Variants in RAD52 observed in about 807,000 individuals in gnomAD.
RAD52 encodes DNA repair protein RAD52 homolog.
RAD52 carries 47 observed loss-of-function variants against 55.5 expected under a neutral mutation model. The ratio of observed to expected loss-of-function variants is 0.85; its 90% CI spans 0.67 to 1.08. The LOEUF is 1.08. Ranked by LOEUF, RAD52 falls within the 50% of genes least tolerant of loss-of-function variation. The pLI is 0.00. For synonymous variants in RAD52, 184 were observed against 198.9 expected (o/e 0.92, Z 0.63); for missense variants, 468 against 522.8 (o/e 0.90, Z 1.02).
chr12:961,309 C>CAAAAA lies in RAD52; in HGVS notation c.-18-28238_-18-28234dup, dbSNP rs60547688. Among the ~76,000 whole-genome samples, 53 of 33,790 alleles carry CAAAAA rather than the reference C, an allele frequency of 1.6e-3. 1 individual carries two copies. Among genetic ancestry groups the CAAAAA allele is most frequent in the African/African-American group, 2.5e-3 (25 of 9,840 alleles). 22.2% of individuals were successfully genotyped at this position (33,790 alleles called of 152,430 possible). The stretch of plus-strand genomic sequence containing the variant: ...TGGGTGACAGAGTGAGACTCCATCT[C>CAAAAA]AAAAAAAAAAAAAAAAAAAAAAAGG... On this transcript the variant is annotated intron_variant, in intron 1 of 11. Transcript: ENST00000430095.
chr12:957,116 A>G (rs1958617003), intron 1 of RAD52, among the ~76,000 whole-genome samples: 1 of 152,174 alleles, frequency 6.6e-6, no homozygotes, highest in Non-Finnish European at 1.5e-5. Context: ...AGTTGTTTAA[A>G]AAAGCCAAAT....
chr12:969,651 C>T (rs1344889040), intron 1 of RAD52, among the ~76,000 whole-genome samples: 2 of 151,668 alleles, frequency 1.3e-5, no homozygotes, highest in Non-Finnish European at 2.9e-5. Flanking sequence ...ATTAGCCGGG[C>T]ATGCTGTCAT....
At chr12:953,758 A>C (rs539821040), upstream of RAD52, among the ~76,000 whole-genome samples, 1 of 152,230 alleles carries the variant, frequency 6.6e-6, no homozygotes, top group East Asian at 1.9e-4. Flanking sequence ...CCTGCCTGCC[A>C]CAGCATTTCC....
intron 1 of RAD52, among the ~76,000 whole-genome samples, chr12:944,608 T>TTAA (rs1555177712): frequency 6.4e-5 from 6 of 93,568 alleles, no homozygotes; most frequent in Admixed American, 3.2e-4. Flanking sequence ...AAAAACATGG[T>TTAA]AAAAAAAAAA....
intron 5 of RAD52, among the ~76,000 whole-genome samples, chr12:928,475 C>G (rs983020345): frequency 6.6e-6 from 1 of 151,848 alleles, no homozygotes; most frequent in African/African-American, 2.4e-5. Context: ...TGAGATTGAA[C>G]CATTGCCCTC....
At chr12:975,446 T>C (rs1958923411) in intron 1 of RAD52, 1 of 152,208 alleles carries the variant, frequency 6.6e-6, no homozygotes, top group Non-Finnish European at 1.5e-5. Flanking sequence ...CAAATTTGAA[T>C]TTAAAATGCT....
intron 7 of RAD52, 62 bp from the exon 8 acceptor site, chr12:916,882 T>C: frequency 6.4e-7 from 1 of 1,553,616 alleles, no homozygotes; most frequent in South Asian, 1.2e-5. Context: ...TGCTTCTCCC[T>C]GACTCACAGA....
At chr12:950,684 A>AT (rs1320437471), upstream of RAD52, among the ~76,000 whole-genome samples, 1 of 151,828 alleles carries the variant, frequency 6.6e-6, no homozygotes, top group Non-Finnish European at 1.5e-5. Context: ...AAGTGCTAGG[A>AT]TTACAGGTAT....
At chr12:915,714 T>G (rs1442856870) in intron 9 of RAD52, among the ~76,000 whole-genome samples, 1 of 136,434 alleles carries the variant, frequency 7.3e-6, no homozygotes, top group Non-Finnish European at 1.6e-5. Context: ...GGCTTGTTTT[T>G]TTTTTGTTTT....
intron 1 of RAD52, among the ~76,000 whole-genome samples, chr12:989,046 C>T (rs893591829): frequency 6.6e-6 from 1 of 152,228 alleles, no homozygotes; most frequent in Non-Finnish European, 1.5e-5. Flanking sequence ...CCCTTCAATA[C>T]TCAGTTAACC....
intron 1 of RAD52, among the ~76,000 whole-genome samples, chr12:955,316 T>C (rs1388161091): frequency 1.3e-5 from 2 of 152,140 alleles, no homozygotes; most frequent in African/African-American, 4.8e-5. Context: ...ATAATCCAAT[T>C]TGAATGAACC....
intron 9 of RAD52, among the ~76,000 whole-genome samples, chr12:915,129 G>A: frequency 6.6e-6 from 1 of 152,128 alleles, no homozygotes; most frequent in East Asian, 1.9e-4. Context: ...GCAAGACCCT[G>A]TCTGAAAACA....
chr12:930,185 C>A, intron 3 of RAD52, 41 bp from the exon 4 acceptor site: 1 of 1,399,528 alleles, frequency 7.1e-7, no homozygotes, highest in Non-Finnish European at 1.0e-6. Flanking sequence ...TGTGTTAATT[C>A]CTTACCACAC....
rs994075324 is a variant in RAD52, at chr12:914,227, G to A, written c.968-106C>T. On this transcript the variant is annotated intron_variant, in intron 10 of 11. Transcript: ENST00000358495. ...AAATTCCATGTCTTCAGTACCTTCTGAAAGTTTTTGGAATTTCTCTCCCCT... is the reference window on the plus strand; with the variant it reads ...AAATTCCATGTCTTCAGTACCTTCTAAAAGTTTTTGGAATTTCTCTCCCCT... 4.1e-5 allele frequency: 54 copies of A among 1,302,942 alleles called. No homozygotes were observed. The African/African-American group carries it at 7.3e-4, about 18-fold the overall frequency. 80.7% of individuals were successfully genotyped at this position (1,302,942 alleles called of 1,614,324 possible). A position where few individuals can be genotyped will look rare whatever the true frequency, so the allele number is the denominator to read the frequency against.
At chr12:957,385 C>A (rs1958621410) in intron 1 of RAD52, among the ~76,000 whole-genome samples, 1 of 150,554 alleles carries the variant, frequency 6.6e-6, no homozygotes, top group African/African-American at 2.5e-5. Flanking sequence ...ATCGCTTAAG[C>A]CCGGGAGGCG....
intron 6 of RAD52, among the ~76,000 whole-genome samples, chr12:926,524 AAAAT>A (rs1218919084): frequency 2.0e-5 from 3 of 151,900 alleles, no homozygotes; most frequent in Admixed American, 6.6e-5. Flanking sequence ...AAACAACAAT[AAAAT>A]AAATAAATAA....
rs759739389 is a variant in RAD52, at chr12:916,510, G to A, written c.726-27C>T. 8 of 1,606,298 alleles carry A rather than the reference G, an allele frequency of 5.0e-6. No homozygotes were observed. The East Asian group carries it at 1.1e-4, about 22-fold the overall frequency. ...TGCATGAGAGGGCGGCGGCGAGGAC[G>A]GGCTCCTGAGCAACAGCCGCGGCTG... On this transcript the variant is annotated intron_variant, in intron 8 of 11. Transcript: ENST00000358495.
intron 7 of RAD52, among the ~76,000 whole-genome samples, chr12:918,137 A>G (rs1014073076): frequency 1.3e-5 from 2 of 152,196 alleles, no homozygotes; most frequent in African/African-American, 4.8e-5. Flanking sequence ...AATGAGTGCA[A>G]CTGTACAGCA....
intron 1 of RAD52, among the ~76,000 whole-genome samples, chr12:958,320 A>G (rs1958638000): frequency 6.6e-6 from 1 of 152,154 alleles, no homozygotes; most frequent in Non-Finnish European, 1.5e-5. Context: ...GGTTCAAGCC[A>G]TTCTCCTGCC....
Sources: gnomAD v4.1 joint callset for allele counts (sites outside exome capture counted in the v4.1 genomes callset) on GRCh38, gnomAD v4.1.1 for gene constraint, MANE v1.5 for transcripts, NCBI Gene and HGNC (gene_info 2026-07-23, HGNC 2026-07-21) for gene names.